Variants in XPR1 observed in about 807,000 individuals in gnomAD.
The protein encoded by XPR1 is solute carrier family 53 member 1.
In XPR1, 28 loss-of-function variants were observed where a neutral mutation model predicts 87.5. The ratio of observed to expected loss-of-function variants is 0.32; its 90% CI spans 0.24 to 0.44. The LOEUF (loss-of-function observed/expected upper bound fraction) is 0.44. Among genes scored for constraint, XPR1 ranks in the 20% least tolerant of loss-of-function variants. The pLI is 1.00. For missense variants in XPR1, 559 were observed against 862.3 expected (o/e 0.65, Z 4.41); for synonymous variants, 300 against 306.1 (o/e 0.98, Z 0.21).
intron 2 of XPR1, among the ~76,000 whole-genome samples, chr1:180,698,343 G>C (rs1480496703): frequency 6.6e-6 from 1 of 152,078 alleles, no homozygotes; most frequent in East Asian, 1.9e-4. Context: ...CTGGTAGGCA[G>C]CATATAGGTG....
At chr1:180,672,207 A>G (rs1242442232) in intron 1 of XPR1, among the ~76,000 whole-genome samples, 1 of 152,196 alleles carries the variant, frequency 6.6e-6, no homozygotes, top group African/African-American at 2.4e-5. Context: ...TATTTAATAT[A>G]CATTTAGTTT....
chr1:180,882,872 T>C (rs1336134361), intron 14 of XPR1, among the ~76,000 whole-genome samples: 1 of 152,244 alleles, frequency 6.6e-6, no homozygotes, highest in Non-Finnish European at 1.5e-5. Flanking sequence ...TTCTGCTGGC[T>C]AACTCTTTTG....
At chr1:180,778,921 G>A (rs560814433) in intron 2 of XPR1, among the ~76,000 whole-genome samples, 1 of 152,286 alleles carries the variant, frequency 6.6e-6, no homozygotes, top group Non-Finnish European at 1.5e-5. Flanking sequence ...TTAGAATAGA[G>A]TTCAAACTTC....
In XPR1 at chr1:180,787,800, A is replaced by G. The variant is rs367676799; in HGVS notation, c.169A>G (p.Lys57Glu). 1 of 1,613,516 alleles carries G rather than the reference A, an allele frequency of 6.2e-7. No homozygotes were observed. The highest frequency in any genetic ancestry group is 1.3e-5 in the African/African-American group (1 of 74,874). ...GAGGTATTTTGCCAAGTTTGAAGAG[A>G]AGTTTTTCCAAACCTGTGAAAAAGA... ...VKRYFAKFEE[K>E]FFQTCEKELA... Residue 57 changes from lysine (K) to glutamate (E), a missense_variant, in exon 3 of 15, where the codon AAG (lysine) becomes GAG (glutamate). Coordinates refer to ENST00000367590, the MANE Select transcript of XPR1 (RefSeq NM_004736.4).
chr1:180,647,902 C>G (rs1163162877), intron 1 of XPR1, among the ~76,000 whole-genome samples: 3 of 55,952 alleles, frequency 5.4e-5, no homozygotes, highest in African/African-American at 1.6e-4. Flanking sequence ...CTCTTATCTG[C>G]AAAAAAAAAA....
intron 2 of XPR1, among the ~76,000 whole-genome samples, chr1:180,766,342 A>G (rs1272614164): frequency 6.6e-6 from 1 of 152,174 alleles, no homozygotes; most frequent in Non-Finnish European, 1.5e-5. Context: ...AAATCACATT[A>G]CTTTTCTGAT....
intron 11 of XPR1, among the ~76,000 whole-genome samples, chr1:180,861,150 C>T (rs1652207333): frequency 1.3e-5 from 2 of 152,084 alleles, no homozygotes; most frequent in Admixed American, 6.6e-5. Context: ...TTACTCTATT[C>T]TCATGTCCTT....
At chr1:180,777,362 G>A (rs749398679) in intron 2 of XPR1, among the ~76,000 whole-genome samples, 10 of 152,094 alleles carry the variant, frequency 6.6e-5, no homozygotes, top group Non-Finnish European at 1.3e-4. Context: ...ATGTCTCATT[G>A]GTCTCAGGAA....
chr1:180,776,476 A>G (rs897268836), intron 2 of XPR1, among the ~76,000 whole-genome samples: 11 of 152,036 alleles, frequency 7.2e-5, no homozygotes, highest in African/African-American at 2.7e-4. Context: ...GAAATTATAC[A>G]ATTTCCATTA....
intron 7 of XPR1, among the ~76,000 whole-genome samples, chr1:180,822,504 C>G (rs573527236): frequency 6.6e-6 from 1 of 152,180 alleles, no homozygotes; most frequent in Non-Finnish European, 1.5e-5. Flanking sequence ...TTATGCAGAA[C>G]AGAAATTTCC....
rs771623191 is a variant in XPR1, at chr1:180,803,470, T to G, written c.306T>G (p.Thr102=). The G allele has an allele frequency of 9.9e-6, 16 of 1,613,960 alleles. No homozygotes were observed. Among genetic ancestry groups the G allele is most frequent in the Non-Finnish European group, 1.4e-5 (16 of 1,180,000 alleles). The change falls in exon 4 of 15, where the codon ACT becomes ACG. Residue 102 remains threonine, a synonymous_variant. Transcript: ENST00000367590. The stretch of plus-strand genomic sequence containing the variant: ...CACTGGATGCACAGAAAGAAAGCAC[T>G]GGTGTTACTACGCTGCGACAACGCA... ...QSSLDAQKES[T]GVTTLRQRRK...
At chr1:180,788,326 T>C in intron 3 of XPR1, among the ~76,000 whole-genome samples, 1 of 152,340 alleles carries the variant, frequency 6.6e-6, no homozygotes, top group East Asian at 1.9e-4. Context: ...AACTTATATA[T>C]ATATTTATGT....
intron 11 of XPR1, among the ~76,000 whole-genome samples, chr1:180,851,326 A>G (rs1651863967): frequency 6.6e-6 from 1 of 152,150 alleles, no homozygotes; most frequent in Admixed American, 6.5e-5. Context: ...AAATGGACAC[A>G]AAATTTGCTT....
At chr1:180,811,594 A>G in intron 7 of XPR1, 106 bp downstream of exon 7, 1 of 877,246 alleles carries the variant, frequency 1.1e-6, no homozygotes, top group Admixed American at 2.8e-5. Flanking sequence ...CTACTGAAAG[A>G]TAAATCTATC....
intron 2 of XPR1, among the ~76,000 whole-genome samples, chr1:180,787,377 C>T (rs1649192123): frequency 6.6e-6 from 1 of 151,738 alleles, no homozygotes; most frequent in South Asian, 2.1e-4. Context: ...TCTTGGCTCA[C>T]TGCAACCTCC....
At chr1:180,724,853 T>A (rs1039814426) in intron 2 of XPR1, among the ~76,000 whole-genome samples, 1 of 152,248 alleles carries the variant, frequency 6.6e-6, no homozygotes, top group African/African-American at 2.4e-5. Context: ...TTATAAGATG[T>A]ATACATCATT....
rs1488172387 is a variant in XPR1 at position 180,889,938 on chromosome 1, C to G, written c.*5872C>G. 6.6e-6 allele frequency: 1 copy of G among 152,212 alleles called. No homozygotes were observed. Among genetic ancestry groups the G allele is most frequent in the African/African-American group, 2.4e-5 (1 of 41,452 alleles). The allele number at this position is 152,212 out of a possible 1,614,324, so 9.4% of individuals were successfully genotyped here. On this transcript the variant is annotated 3_prime_UTR_variant, in exon 15 of 15. Transcript: ENST00000367590. ...TTCCCTCTTTTTTCTCCCTCACTCT[C>G]TTTCTCAGTCTCCACTCTGGTAAAT... is the stretch of plus-strand genomic sequence containing the variant.
At chr1:180,656,633 G>A (rs1375641429) in intron 1 of XPR1, among the ~76,000 whole-genome samples, 3 of 85,976 alleles carry the variant, frequency 3.5e-5, no homozygotes, top group African/African-American at 1.6e-4. Flanking sequence ...ATATATGTAT[G>A]TATAATATAT....
intron 9 of XPR1, among the ~76,000 whole-genome samples, chr1:180,833,649 A>AAC (rs889808186): frequency 2.1e-5 from 3 of 145,142 alleles, no homozygotes; most frequent in Admixed American, 1.3e-4. Flanking sequence ...CAAACTTAAA[A>AAC]ACAAGAACAA....
Sources: allele counts gnomAD v4.1 joint callset (sites outside exome capture counted in the v4.1 genomes callset), GRCh38; gene constraint gnomAD v4.1.1; transcripts MANE v1.5; gene names NCBI Gene and HGNC (gene_info 2026-07-23, HGNC 2026-07-21).